DRC8: variants seen among roughly 807,000 people sequenced by gnomAD.
DRC8 encodes the protein dynein regulatory complex subunit 8.
chr1:244,977,365 G>A, the DRC8 span, among the ~76,000 whole-genome samples: 3 of 152,132 alleles, frequency 2.0e-5, no homozygotes, highest in African/African-American at 7.2e-5. Flanking sequence ...GTTTTTCAAA[G>A]GCAATTTGGA....
chr1:245,091,780 T>G, the DRC8 span: 1 of 152,252 alleles, frequency 6.6e-6, no homozygotes, highest in Non-Finnish European at 1.5e-5. Flanking sequence ...AAACGTACCT[T>G]GTTTGCAAAG....
chr1:245,095,997 G>A, the DRC8 span, among the ~76,000 whole-genome samples: 6 of 152,130 alleles, frequency 3.9e-5, no homozygotes, highest in Non-Finnish European at 8.8e-5. Context: ...TTAAAAATTT[G>A]CATTCCATTG....
At chr1:245,012,551 C>T in the DRC8 span, among the ~76,000 whole-genome samples, 10 of 151,492 alleles carry the variant, frequency 6.6e-5, no homozygotes, top group African/African-American at 2.4e-4. Flanking sequence ...CAATTTTTAC[C>T]TCAAACACTT....
chr1:244,997,717 G>A, the DRC8 span, among the ~76,000 whole-genome samples: 2 of 151,692 alleles, frequency 1.3e-5, no homozygotes, highest in Non-Finnish European at 2.9e-5. Context: ...CTAATTTTTT[G>A]TATTTTTAGT....
chr1:244,991,083 C>G, the DRC8 span, among the ~76,000 whole-genome samples: 2 of 152,322 alleles, frequency 1.3e-5, no homozygotes, highest in South Asian at 4.1e-4. Context: ...CCTTAAGTTA[C>G]TCACACTTCA....
the DRC8 span, chr1:245,086,647 C>T: frequency 2.0e-6 from 1 of 494,142 alleles, no homozygotes; most frequent in East Asian, 5.9e-5. Context: ...CAAACACTTG[C>T]ATGTTGCTGC....
the DRC8 span, among the ~76,000 whole-genome samples, chr1:245,014,864 C>CA: frequency 0.094 from 14,240 of 152,034 alleles, 844 homozygotes; most frequent in African/African-American, 0.16. Flanking sequence ...TTATTCAGTA[C>CA]ATATTTGTTG....
the DRC8 span, among the ~76,000 whole-genome samples, chr1:245,001,639 A>T: frequency 2.0e-5 from 3 of 152,206 alleles, no homozygotes; most frequent in African/African-American, 2.4e-5. Context: ...TACCCCGTAG[A>T]TGGTGGGGCA....
At chr1:245,055,476 C>T in the DRC8 span, among the ~76,000 whole-genome samples, 40 of 152,126 alleles carry the variant, frequency 2.6e-4, no homozygotes, top group African/African-American at 8.2e-4. Context: ...CGTGCCACCA[C>T]ACTCGACTAA....
the DRC8 span, among the ~76,000 whole-genome samples, chr1:244,998,915 A>G: frequency 6.6e-6 from 1 of 152,184 alleles, no homozygotes. Context: ...TATAGGTCAC[A>G]TGCCTATTCC....
the DRC8 span, among the ~76,000 whole-genome samples, chr1:245,105,960 T>C: frequency 1.8e-3 from 280 of 152,276 alleles, 4 homozygotes; most frequent in Non-Finnish European, 3.4e-4. Flanking sequence ...ATGCCTGTAG[T>C]CCCAGCTACT....
the DRC8 span, among the ~76,000 whole-genome samples, chr1:244,979,598 G>A: frequency 1.3e-5 from 2 of 149,800 alleles, no homozygotes; most frequent in African/African-American, 2.5e-5. Context: ...GAGCCACTGC[G>A]CCTGGCCTAA....
At chr1:244,993,166 T>C in the DRC8 span, among the ~76,000 whole-genome samples, 5 of 152,228 alleles carry the variant, frequency 3.3e-5, no homozygotes, top group Non-Finnish European at 7.3e-5. Context: ...CTCTATTCTA[T>C]TGGTGACATA....
the DRC8 span, among the ~76,000 whole-genome samples, chr1:244,983,451 G>A: frequency 6.6e-6 from 1 of 152,070 alleles, no homozygotes; most frequent in Non-Finnish European, 1.5e-5. Context: ...GCTATTAAAA[G>A]TAATCGGGCC....
chr1:244,996,265 C>T, the DRC8 span, among the ~76,000 whole-genome samples: 88,607 of 151,316 alleles, frequency 0.59, 26,507 homozygotes, highest in East Asian at 0.75. Context: ...TGGTTTCCCG[C>T]AGGACTCGTG....
chr1:245,006,405 A>G, the DRC8 span, among the ~76,000 whole-genome samples: 1 of 151,992 alleles, frequency 6.6e-6, no homozygotes, highest in Non-Finnish European at 1.5e-5. Context: ...TCCACCTCCC[A>G]TGTTCAAGTG....
chr1:245,032,179 A>G, the DRC8 span, among the ~76,000 whole-genome samples: 1 of 152,198 alleles, frequency 6.6e-6, no homozygotes, highest in Non-Finnish European at 1.5e-5. Flanking sequence ...ACTGGCATGC[A>G]TGGTATTGAA....
the DRC8 span, among the ~76,000 whole-genome samples, chr1:244,998,489 G>A: frequency 6.6e-6 from 1 of 152,178 alleles, no homozygotes; most frequent in African/African-American, 2.4e-5. Context: ...GGGATTCCAG[G>A]CGTGAGCCAC....
At chr1:245,065,128 T>C in the DRC8 span, among the ~76,000 whole-genome samples, 1 of 137,342 alleles carries the variant, frequency 7.3e-6, no homozygotes, top group Admixed American at 7.9e-5. Flanking sequence ...GTTTTTACCA[T>C]GTTTGCCAGG....
Sources: allele counts gnomAD v4.1 joint callset (sites outside exome capture counted in the v4.1 genomes callset), GRCh38; gene constraint gnomAD v4.1.1; transcripts MANE v1.5; gene names NCBI Gene and HGNC (gene_info 2026-07-23, HGNC 2026-07-21).